LUC7L2: variants seen among roughly 807,000 people sequenced by gnomAD.
The protein encoded by LUC7L2 is LUC7 like 2, pre-mRNA splicing factor, also known as putative RNA-binding protein Luc7-like 2.
A neutral mutation model predicts 52.8 loss-of-function variants in LUC7L2; 25 were observed. The ratio of observed to expected loss-of-function variants is 0.47; its 90% confidence interval spans 0.34 to 0.66. The LOEUF (loss-of-function observed/expected upper bound fraction) is 0.66. Among genes scored for constraint, LUC7L2 ranks in the 30% least tolerant of loss-of-function variants. LUC7L2 has a pLI of 0.01. For synonymous variants in LUC7L2, 144 were observed against 160.9 expected, an observed-to-expected ratio of 0.89 and a Z score of 0.80; for missense variants, 328 against 497.8, an observed-to-expected ratio of 0.66 and a Z score of 3.25.
rs569440933 is a variant in LUC7L2, at chr7:139,410,832, C to T, written c.779+1178C>T. ...TATTTCAAGAAGTTTAAACAGACTT[C>T]GTTTGTGTCACATGGCTTATAACCA... On this transcript the variant is annotated intron_variant, in intron 7 of 9. Transcript: ENST00000354926. Among the ~76,000 whole-genome samples the T allele has an allele frequency of 2.4e-4, 37 of 152,224 alleles. No homozygotes were observed. The South Asian group carries it at 2.5e-3, about 10-fold the overall frequency.
chr7:139,359,373 C>A (rs1445478325), upstream of LUC7L2: 1 of 158,458 alleles, frequency 6.3e-6, no homozygotes, highest in Non-Finnish European at 1.4e-5. Flanking sequence ...AGCCGAGGAG[C>A]CTTAAAGCCC....
At chr7:139,383,496 C>T (rs1367428782) in intron 2 of LUC7L2, among the ~76,000 whole-genome samples, 1 of 152,142 alleles carries the variant, frequency 6.6e-6, no homozygotes, top group East Asian at 1.9e-4. Flanking sequence ...ACTTCAACCT[C>T]TGCCTCCCGG....
chr7:139,371,099 C>T (rs1451451865), intron 1 of LUC7L2, among the ~76,000 whole-genome samples: 2 of 152,122 alleles, frequency 1.3e-5, no homozygotes, highest in Non-Finnish European at 2.9e-5. Context: ...CTTCAGTTGC[C>T]ACCCTAGAGA....
At chr7:139,364,687 AC>A (rs1800060478) in intron 1 of LUC7L2, among the ~76,000 whole-genome samples, 1 of 152,240 alleles carries the variant, frequency 6.6e-6, no homozygotes, top group South Asian at 2.1e-4. Flanking sequence ...GGTTAGTAGT[AC>A]ATAACCGTGT....
At chr7:139,354,655 C>T (rs1022934259) in intron 1 of LUC7L2, among the ~76,000 whole-genome samples, 2 of 152,174 alleles carry the variant, frequency 1.3e-5, no homozygotes, top group Non-Finnish European at 2.9e-5. Flanking sequence ...AGCCACTATA[C>T]CCTGCCAGCA....
intron 2 of LUC7L2, among the ~76,000 whole-genome samples, chr7:139,388,771 A>G (rs539710343): frequency 4.6e-5 from 7 of 151,896 alleles, no homozygotes; most frequent in African/African-American, 1.7e-4. Flanking sequence ...TCTTGGTGGC[A>G]TCATTGTTTT....
rs775661768 is a variant in LUC7L2, at chr7:139,343,664, G to GT, written c.-26+3148dup. 4.1e-4 allele frequency among the ~76,000 whole-genome samples: 63 copies of GT among 152,282 alleles called. 1 individual carries two copies. The highest frequency in any genetic ancestry group is 3.4e-3 in the Middle Eastern group (1 of 294). On this transcript the variant is annotated intron_variant, in intron 1 of 10. Coordinates refer to the LUC7L2 transcript ENST00000541170. ...GAGAAAGGGGATTAGGCCAGGAGCG[G>GT]TGGCTCACACCTGTAATCCCAGCAC...
intron 1 of LUC7L2, chr7:139,341,393 C>G (rs530614678): frequency 1.9e-6 from 3 of 1,612,968 alleles, no homozygotes; most frequent in Non-Finnish European, 1.7e-6. Context: ...CAATGGCGGC[C>G]TTAGGGTCCC....
At chr7:139,406,127 C>T (rs1795101711) in intron 5 of LUC7L2, among the ~76,000 whole-genome samples, 1 of 152,158 alleles carries the variant, frequency 6.6e-6, no homozygotes, top group South Asian at 2.1e-4. Flanking sequence ...TCTCAGCTCA[C>T]CGCAACCTCT....
intron 1 of LUC7L2, among the ~76,000 whole-genome samples, chr7:139,344,615 A>G (rs1330113374): frequency 1.3e-5 from 2 of 151,724 alleles, no homozygotes; most frequent in Non-Finnish European, 2.9e-5. Context: ...TAAGCATACT[A>G]GTTTTATACA....
intron 5 of LUC7L2, among the ~76,000 whole-genome samples, 171 bp from the exon 6 acceptor site, chr7:139,407,000 GGTT>G (rs1344381119): frequency 2.7e-5 from 3 of 111,612 alleles, no homozygotes; most frequent in Non-Finnish European, 5.2e-5. Flanking sequence ...ATGCTTTTGT[GGTT>G]TTTTTTTTTT....
chr7:139,398,663 C>A lies in LUC7L2; in HGVS notation c.221C>A (p.Ala74Glu). The change falls in exon 3 of 10, where the codon GCA (alanine) becomes GAA (glutamate). Residue 74 changes from alanine (A) to glutamate (E), a missense_variant. Transcript: ENST00000354926. ...DLALRADYEI[A>E]SKEQDFFFEL... ...GCTTTAAGAGCGGATTATGAAATTG[C>A]ATCCAAAGAACAAGATTTTTTCTTT... is the stretch of plus-strand genomic sequence containing the variant. 1 of 1,612,008 alleles carries A rather than the reference C, an allele frequency of 6.2e-7. No homozygotes were observed. The highest frequency in any genetic ancestry group is 8.5e-7 in the Non-Finnish European group (1 of 1,179,282).
intron 1 of LUC7L2, among the ~76,000 whole-genome samples, chr7:139,362,485 A>C (rs530804850): frequency 2.0e-5 from 3 of 152,286 alleles, no homozygotes; most frequent in African/African-American, 7.2e-5. Flanking sequence ...ATTTAATGGG[A>C]ACCCTTGTAT....
intron 3 of LUC7L2, among the ~76,000 whole-genome samples, chr7:139,401,091 T>A (rs760636758): frequency 6.6e-6 from 1 of 152,196 alleles, no homozygotes; most frequent in Non-Finnish European, 1.5e-5. Flanking sequence ...TTGTAGACAT[T>A]AATATGTGCC....
intron 1 of LUC7L2, among the ~76,000 whole-genome samples, chr7:139,366,581 C>T (rs757057627): frequency 9.9e-5 from 15 of 152,208 alleles, no homozygotes; most frequent in African/African-American, 3.6e-4. Context: ...TATTGGAACA[C>T]ATCCATGCCG....
chr7:139,359,915 G>A lies in LUC7L2; in HGVS notation c.-347G>A. On this transcript the variant is annotated 5_prime_UTR_variant, in exon 1 of 10. Transcript: ENST00000354926. ...GCGCGCTCCCGTCGTGGCGACGGTG[G>A]CGGCGAGCGGCGTCAGAGCTTGAGG... is the stretch of plus-strand genomic sequence containing the variant. 1 of 416,248 alleles carries A rather than the reference G, an allele frequency of 2.4e-6. No individual in the cohort carries two copies. Among genetic ancestry groups the A allele is most frequent in the African/African-American group, 2.0e-5 (1 of 48,826 alleles). The allele number at this position is 416,248 out of a possible 1,614,324, so 25.8% of individuals were successfully genotyped here. A position where few individuals can be genotyped will look rare whatever the true frequency, so the allele number is the denominator to read the frequency against.
At chr7:139,414,709 T>G (rs1795511404) in intron 8 of LUC7L2, among the ~76,000 whole-genome samples, 1 of 152,224 alleles carries the variant, frequency 6.6e-6, no homozygotes, top group Non-Finnish European at 1.5e-5. Flanking sequence ...TTTTCCCACC[T>G]CAGGGACTTT....
intron 1 of LUC7L2, among the ~76,000 whole-genome samples, chr7:139,369,309 A>G (rs1800323545): frequency 6.6e-6 from 1 of 152,200 alleles, no homozygotes; most frequent in South Asian, 2.1e-4. Flanking sequence ...TATATCTTAA[A>G]ATAAATTCTA....
intron 6 of LUC7L2, among the ~76,000 whole-genome samples, chr7:139,408,595 G>C (rs1375845152): frequency 6.6e-6 from 1 of 152,184 alleles, no homozygotes; most frequent in Non-Finnish European, 1.5e-5. Context: ...TGTAATCCTA[G>C]CACTTTGGGA....
Sources: gnomAD v4.1 joint callset for allele counts (sites outside exome capture counted in the v4.1 genomes callset) on GRCh38, gnomAD v4.1.1 for gene constraint, MANE v1.5 for transcripts, NCBI Gene and HGNC (gene_info 2026-07-23, HGNC 2026-07-21) for gene names.